RFC4: variants seen among roughly 807,000 people sequenced by gnomAD.
RFC4 encodes the protein A1 37 kDa subunit.
A neutral mutation model predicts 47.6 loss-of-function variants in RFC4; 38 were observed. The observed-to-expected ratio is 0.80, with a 90% confidence interval of 0.62 to 1.05. RFC4 has a LOEUF of 1.05. Among genes scored for constraint, RFC4 ranks in the 50% least tolerant of loss-of-function variants. The pLI is 0.00. For synonymous variants in RFC4, 164 were observed against 150.0 expected, an observed-to-expected ratio of 1.09 and a Z score of -0.68; for missense variants, 489 against 434.0, an observed-to-expected ratio of 1.13 and a Z score of -1.13.
At position 186,793,929 on chromosome 3, in the gene RFC4, C is replaced by T. The variant is rs955983404; in HGVS notation, c.410+729G>A. On this transcript the variant is annotated intron_variant, in intron 5 of 10. Transcript: ENST00000296273. The surrounding 1 kb of genome is among the most constrained non-coding windows in gnomAD (Gnocchi z 4.2). ...AGTAGAGATGGGGTTTCACCATGTT[C>T]GCCAGGATGGTCTCGATCTCCTGAC... 1.2e-4 allele frequency among the ~76,000 whole-genome samples: 18 copies of T among 150,788 alleles called. No homozygotes were observed. Among genetic ancestry groups the T allele is most frequent in the African/African-American group, 3.7e-4 (15 of 41,010 alleles).
intron 3 of RFC4, among the ~76,000 whole-genome samples, chr3:186,800,043 C>T (rs1303176479): frequency 6.6e-6 from 1 of 152,128 alleles, no homozygotes; most frequent in East Asian, 1.9e-4. Context: ...AACCCCTCCG[C>T]CTCCCAGGTT....
intron 8 of RFC4, 64 bp from the exon 9 acceptor site, chr3:186,790,470 A>C (rs776104490): frequency 8.2e-5 from 96 of 1,167,622 alleles, no homozygotes; most frequent in Middle Eastern, 1.9e-4. Context: ...CACTCTGCCA[A>C]CTGGCCCCCG....
chr3:186,799,600 C>A (rs1722309946), intron 3 of RFC4, among the ~76,000 whole-genome samples: 1 of 152,058 alleles, frequency 6.6e-6, no homozygotes, highest in South Asian at 2.1e-4. Flanking sequence ...GTAGTCCCAG[C>A]TACTTGGGAG....
chr3:186,790,916 CAA>C (rs566028487), intron 8 of RFC4, among the ~76,000 whole-genome samples: 93 of 150,336 alleles, frequency 6.2e-4, no homozygotes, highest in African/African-American at 1.3e-3. Context: ...GTCATAGAAA[CAA>C]AGAGGATTAG....
chr3:186,801,757 T>C (rs1012664979), intron 2 of RFC4, among the ~76,000 whole-genome samples: 1 of 147,412 alleles, frequency 6.8e-6, no homozygotes, highest in Non-Finnish European at 1.5e-5. Flanking sequence ...CTGGGTGCGA[T>C]GGCTCACACT....
At chr3:186,791,432 T>C (rs1424992599) in intron 8 of RFC4, 1 of 351,558 alleles carries the variant, frequency 2.8e-6, no homozygotes, top group East Asian at 6.6e-5. Context: ...ATTGCGTCAC[T>C]GCACTCCAGC....
intron 8 of RFC4, 48 bp from the exon 9 acceptor site, chr3:186,790,454 G>A (rs753640106): frequency 2.2e-6 from 3 of 1,339,476 alleles, no homozygotes; most frequent in South Asian, 2.3e-5. Flanking sequence ...GGTGAGACTA[G>A]ACATACACTC....
In RFC4 at chr3:186,790,257, TATAATA is replaced by T; in HGVS notation, c.883-8_883-3del. On this transcript the variant is annotated splice_polypyrimidine_tract_variant and splice_region_variant and intron_variant, in intron 9 of 10. Coordinates refer to ENST00000296273, the MANE Select transcript of RFC4 (RefSeq NM_002916.5). ...TGCATGACCCTCATCTATTAAATCC[TATAATA>T]AAAAAAACTTTTGGTATGATGACTT... The T allele has an allele frequency of 6.2e-7, 1 of 1,612,790 alleles. No individual in the cohort carries two copies.
chr3:186,800,960 A>G (rs925659656), intron 3 of RFC4, among the ~76,000 whole-genome samples, 157 bp downstream of exon 3: 4 of 152,246 alleles, frequency 2.6e-5, no homozygotes, highest in African/African-American at 9.6e-5. Context: ...TGCTCAATAA[A>G]TATTTGAACT....
intron 1 of RFC4, among the ~76,000 whole-genome samples, chr3:186,805,143 G>A (rs553101101): frequency 3.9e-5 from 6 of 152,246 alleles, no homozygotes; most frequent in Non-Finnish European, 7.4e-5. Context: ...TGGACTCTTC[G>A]GCAATTAAAG....
rs1229018045 is a variant in RFC4 at position 186,792,503 on chromosome 3, T to C, written c.662A>G (p.Lys221Arg). ...LLDIAKKENV[K>R]ISDEGIAYLV... ...ATTAGTAATTACCTCATCACTAATTTTGACATTTTCCTTCTTGGCAATGTC... is the reference window on the plus strand; with the variant it reads ...ATTAGTAATTACCTCATCACTAATTCTGACATTTTCCTTCTTGGCAATGTC... Residue 221 changes from lysine (K) to arginine (R), a missense_variant, in exon 7 of 11, where the codon AAA becomes AGA. Lys to Arg is a conservative substitution (Grantham distance 26). Transcript: ENST00000296273. 1.2e-6 allele frequency: 2 copies of C among 1,612,214 alleles called. No individual in the cohort carries two copies. The highest frequency in any genetic ancestry group is 2.7e-5 in the African/African-American group (2 of 74,920).
At chr3:186,800,486 C>G (rs1722328971) in intron 3 of RFC4, among the ~76,000 whole-genome samples, 1 of 152,194 alleles carries the variant, frequency 6.6e-6, no homozygotes, top group South Asian at 2.1e-4. Flanking sequence ...CACTTCAGCA[C>G]TTTACTGAGC....
Position 186,790,054 on chromosome 3 carries a change from T to C in RFC4, c.1007A>G (p.Lys336Arg), listed in dbSNP as rs1444723997. 1.7e-5 allele frequency: 28 copies of C among 1,613,440 alleles called. No homozygotes were observed. Among genetic ancestry groups the C allele is most frequent in the Non-Finnish European group, 2.2e-5 (26 of 1,179,518 alleles). The change falls in exon 11 of 11, where the codon AAA (lysine) becomes AGA (arginine). Residue 336 changes from lysine to arginine, a missense_variant. Physicochemically the swap from Lys to Arg is conservative, Grantham distance 26. Around this residue, in one of 2 missense-constraint regions of RFC4, gnomAD observed 283 missense variants for 176.2 expected, o/e 1.61. Coordinates refer to ENST00000296273, the MANE Select transcript of RFC4 (RefSeq NM_002916.5). ...IITEKLAEVDKCLADGADEHL... is the reference protein window; with the variant it reads ...IITEKLAEVDRCLADGADEHL... ...TTCATCAGCACCATCTGCTAGGCAT[T>C]TGTCAACTTCCTACGAGAAAAATTT...
rs546270806 is a variant in RFC4, at chr3:186,804,955, C to T, written c.-11-231G>A. On this transcript the variant is annotated intron_variant, in intron 1 of 10. Transcript: ENST00000296273. ...AAGAACAGAAAAGTGGTCAAAGTCC[C>T]TAACGAACTTAGAATCTATTTCTAG... 1.7e-5 allele frequency: 6 copies of T among 363,120 alleles called. No individual in the cohort carries two copies. In the South Asian group the frequency reaches 6.0e-4, roughly 36 times the overall value. The allele number at this position is 363,120 out of a possible 1,614,324, so 22.5% of individuals were successfully genotyped here.
chr3:186,805,237 T>C (rs910644302), intron 1 of RFC4, among the ~76,000 whole-genome samples: 1 of 152,172 alleles, frequency 6.6e-6, no homozygotes, highest in African/African-American at 2.4e-5. Context: ...GTTGTTGTTT[T>C]TGAGACAGGG....
chr3:186,803,981 C>A (rs111357945), intron 2 of RFC4, among the ~76,000 whole-genome samples: 5,155 of 151,916 alleles, frequency 0.034, 188 homozygotes, highest in African/African-American at 0.088. Flanking sequence ...CAGGAGTTTG[C>A]GATCGACCTG....
intron 3 of RFC4, among the ~76,000 whole-genome samples, chr3:186,798,305 T>C (rs1040529371): frequency 6.6e-6 from 1 of 152,158 alleles, no homozygotes; most frequent in Non-Finnish European, 1.5e-5. Flanking sequence ...TATCAAGCAG[T>C]CGACTGATCC....
chr3:186,801,650 G>A (rs1051280481), intron 2 of RFC4, among the ~76,000 whole-genome samples: 1 of 146,242 alleles, frequency 6.8e-6, no homozygotes, highest in African/African-American at 2.6e-5. Flanking sequence ...GGCAGAGCTT[G>A]CAGTGAGCTG....
In RFC4 at chr3:186,793,659, T is replaced by C. The variant is rs1377528837; in HGVS notation, c.411-712A>G. 6.6e-6 allele frequency among the ~76,000 whole-genome samples: 1 copy of C among 152,240 alleles called. No homozygotes were observed. The highest frequency in any genetic ancestry group is 1.5e-5 in the Non-Finnish European group (1 of 68,044). ...TGATTTTCATTTCCCAAATGGATAA[T>C]GATGTTGATGAGCATCTTTTAATGT... On this transcript the variant is annotated intron_variant, in intron 5 of 10. Transcript: ENST00000296273. The surrounding 1 kb of genome is among the most constrained non-coding windows in gnomAD (Gnocchi z 4.2).
Sources: gnomAD v4.1 joint callset for allele counts (sites outside exome capture counted in the v4.1 genomes callset) on GRCh38, gnomAD v4.1.1 for gene constraint, gnomAD v4.1.1 regional missense constraint, Gnocchi (gnomAD v3.1) non-coding constraint, MANE v1.5 for transcripts, NCBI Gene and HGNC (gene_info 2026-07-23, HGNC 2026-07-21) for gene names.